CSMD1: variants seen among roughly 807,000 people sequenced by gnomAD.
The protein encoded by CSMD1 is CUB and Sushi multiple domains 1.
In CSMD1, 213 loss-of-function variants were observed where a neutral mutation model predicts 417.5. That is an observed-to-expected ratio of 0.51 (90% confidence interval 0.46 to 0.57). The LOEUF (loss-of-function observed/expected upper bound fraction) is 0.57, where lower values mean the gene tolerates loss of function less well. CSMD1 is among the 20% of genes least tolerant of loss of function. The pLI is 0.00. For synonymous variants in CSMD1, 2,862 were observed against 1,736.8 expected (o/e 1.65, Z -16.11); for missense variants, 6,923 against 4,529.7 (o/e 1.53, Z -15.17).
At chr8:4,142,388 G>C (rs1414103238) in intron 3 of CSMD1, among the ~76,000 whole-genome samples, 1 of 150,932 alleles carries the variant, frequency 6.6e-6, no homozygotes, top group Non-Finnish European at 1.5e-5. Flanking sequence ...CTCAGGGAGA[G>C]GACAGTTTTC....
intron 2 of CSMD1, among the ~76,000 whole-genome samples, chr8:4,498,393 A>C (rs1396906283): frequency 1.3e-5 from 2 of 152,154 alleles, no homozygotes; most frequent in African/African-American, 4.8e-5. Flanking sequence ...ATTTTTGTAT[A>C]TATTTCTAAA....
chr8:4,246,596 T>A (rs1802725637), intron 3 of CSMD1, among the ~76,000 whole-genome samples: 1 of 152,204 alleles, frequency 6.6e-6, no homozygotes, highest in Non-Finnish European at 1.5e-5. Flanking sequence ...CTGTAGAATT[T>A]GATATGATGG....
intron 7 of CSMD1, among the ~76,000 whole-genome samples, chr8:3,618,149 G>C (rs1037370452): frequency 6.6e-6 from 1 of 152,024 alleles, no homozygotes; most frequent in South Asian, 2.1e-4. Flanking sequence ...ACACAGGCTT[G>C]TGCCACCGTG....
At chr8:4,584,749 G>T (rs2725027) in intron 2 of CSMD1, among the ~76,000 whole-genome samples, 51,046 of 151,794 alleles carry the variant, frequency 0.34, 8,727 homozygotes, top group African/African-American at 0.37. Context: ...TCCTAATGCC[G>T]GCCAGACAAA....
intron 7 of CSMD1, among the ~76,000 whole-genome samples, chr8:3,639,669 T>C (rs1030094212): frequency 2.0e-5 from 3 of 152,234 alleles, no homozygotes; most frequent in African/African-American, 7.2e-5. Flanking sequence ...ATAAGTGGAA[T>C]GATGTATGTA....
chr8:4,441,095 G>GTTTTTTGTT (rs1554478144), intron 2 of CSMD1, among the ~76,000 whole-genome samples: 3 of 51,296 alleles, frequency 5.8e-5, no homozygotes, highest in African/African-American at 1.3e-4. Context: ...TAATCAAAAG[G>GTTTTTTGTT]TTTTTTTTTT....
intron 2 of CSMD1, among the ~76,000 whole-genome samples, chr8:4,521,821 A>G (rs1022877557): frequency 6.6e-6 from 1 of 152,158 alleles, no homozygotes; most frequent in Non-Finnish European, 1.5e-5. Context: ...GGCCTACTGT[A>G]TGGTTACTCA....
chr8:3,481,478 C>T (rs1256978941), intron 11 of CSMD1, among the ~76,000 whole-genome samples: 6 of 152,124 alleles, frequency 3.9e-5, no homozygotes, highest in Non-Finnish European at 5.9e-5. Flanking sequence ...TAAATGTTCG[C>T]ATTAGTTGTA....
chr8:4,621,904 C>T (rs1415733970), intron 2 of CSMD1, among the ~76,000 whole-genome samples: 1 of 151,586 alleles, frequency 6.6e-6, no homozygotes, highest in Non-Finnish European at 1.5e-5. Flanking sequence ...TGTAATTGAA[C>T]ATATAAACAG....
At chr8:4,673,449 T>A (rs1805475434) in intron 1 of CSMD1, among the ~76,000 whole-genome samples, 1 of 152,146 alleles carries the variant, frequency 6.6e-6, no homozygotes, top group South Asian at 2.1e-4. Context: ...TGAGGCACAC[T>A]TGATATCATT....
intron 5 of CSMD1, chr8:3,949,962 AGC>A (rs1308240520): frequency 1.1e-5 from 5 of 455,836 alleles, no homozygotes; most frequent in African/African-American, 4.0e-5. Context: ...ATGCCAGCAG[AGC>A]GACGTGTCTC....
chr8:4,699,303 G>C (rs180934543), intron 1 of CSMD1, among the ~76,000 whole-genome samples: 3 of 152,222 alleles, frequency 2.0e-5, no homozygotes, highest in Non-Finnish European at 2.9e-5. Flanking sequence ...TCTGTTTCTA[G>C]CAGAGTGCTT....
chr8:4,029,850 G>A (rs1306357177), intron 4 of CSMD1, among the ~76,000 whole-genome samples: 2 of 152,194 alleles, frequency 1.3e-5, no homozygotes, highest in South Asian at 2.1e-4. Context: ...ACAAATGCAG[G>A]CACAAGAATT....
At chr8:4,443,032 C>T (rs77976727) in intron 2 of CSMD1, among the ~76,000 whole-genome samples, 16,478 of 152,098 alleles carry the variant, frequency 0.11, 1,022 homozygotes, top group Admixed American at 0.2. Context: ...TTAAAGATTT[C>T]GATTGTAATT....
chr8:3,375,535 A>G (rs545258790), intron 18 of CSMD1, among the ~76,000 whole-genome samples: 2 of 152,236 alleles, frequency 1.3e-5, no homozygotes, highest in East Asian at 3.9e-4. Flanking sequence ...TTTTATTCAT[A>G]TATTTATATG....
chr8:4,225,306 T>C (rs1801282238), intron 3 of CSMD1, among the ~76,000 whole-genome samples: 1 of 152,170 alleles, frequency 6.6e-6, no homozygotes, highest in Non-Finnish European at 1.5e-5. Context: ...AAACTTTCTT[T>C]TCTGAATCAT....
At chr8:3,735,179 C>T (rs1023345398) in intron 6 of CSMD1, among the ~76,000 whole-genome samples, 3 of 152,200 alleles carry the variant, frequency 2.0e-5, no homozygotes, top group African/African-American at 7.2e-5. Flanking sequence ...TTCCCTTGAT[C>T]AGGCACACGG....
chr8:4,224,636 T>C (rs563548734), intron 3 of CSMD1, among the ~76,000 whole-genome samples: 21 of 152,290 alleles, frequency 1.4e-4, no homozygotes, highest in Non-Finnish European at 2.6e-4. Flanking sequence ...TTTTCATCCA[T>C]AGTGAAGAGG....
chr8:4,409,110 G>T (rs1157240603), intron 3 of CSMD1, among the ~76,000 whole-genome samples: 1 of 152,062 alleles, frequency 6.6e-6, no homozygotes, highest in Admixed American at 6.5e-5. Flanking sequence ...TTTAGCATCT[G>T]CATATGGCTA....
Sources: allele counts gnomAD v4.1 joint callset (sites outside exome capture counted in the v4.1 genomes callset), GRCh38; gene constraint gnomAD v4.1.1; transcripts MANE v1.5; gene names NCBI Gene and HGNC (gene_info 2026-07-23, HGNC 2026-07-21).